Variants in ZNF90 observed in about 807,000 individuals in gnomAD.
The protein encoded by ZNF90 is zinc finger protein 90.
Under a neutral mutation model 12.0 loss-of-function variants are expected in ZNF90, and 11 were observed. That is an observed-to-expected ratio of 0.92 (90% confidence interval 0.58 to 1.52). The LOEUF is 1.52. ZNF90 is among the 40% of genes most tolerant of loss of function. ZNF90 has a pLI of 0.00. For synonymous variants in ZNF90, 232 were observed against 240.1 expected (o/e 0.97, Z 0.31); for missense variants, 765 against 711.5 (o/e 1.08, Z -0.86).
rs2089188767 is a variant in ZNF90 at position 20,120,820 on chromosome 19, A to G, written c.*1460A>G. The G allele has an allele frequency of 6.6e-6, 1 of 152,220 alleles. No homozygotes were observed. The highest frequency in any genetic ancestry group is 2.4e-5 in the African/African-American group (1 of 41,456). The allele number at this position is 152,220 out of a possible 1,614,324, so 9.4% of individuals were successfully genotyped here. Reference sequence around the variant, plus strand: ...TTGAGAAAAAATTTTTGAAAAGTGAATAAGGTAATAGAGCTTTCAAATTTA... The same window carrying G: ...TTGAGAAAAAATTTTTGAAAAGTGAGTAAGGTAATAGAGCTTTCAAATTTA... On this transcript the variant is annotated 3_prime_UTR_variant, in exon 4 of 4. Transcript: ENST00000418063.
chr19:20,106,696 A>G (rs1599650089), intron 3 of ZNF90, among the ~76,000 whole-genome samples: 1 of 152,092 alleles, frequency 6.6e-6, no homozygotes, highest in African/African-American at 2.4e-5. Context: ...CTCGTGATCC[A>G]CCCGCCTTGG....
At chr19:20,081,436 C>T (rs1275224343) in intron 1 of ZNF90, among the ~76,000 whole-genome samples, 1 of 152,180 alleles carries the variant, frequency 6.6e-6, no homozygotes, top group African/African-American at 2.4e-5. Flanking sequence ...ATCCACCCAC[C>T]TTGCCCTCCC....
rs1042084722 is a variant in ZNF90, at chr19:20,119,143, T to G, written c.1589T>G (p.Ile530Ser). 23 of 1,612,184 alleles carry G rather than the reference T, an allele frequency of 1.4e-5. No individual in the cohort carries two copies. The highest frequency in any genetic ancestry group is 4.0e-5 in the African/African-American group (3 of 74,470). ...TCAGTCCTTAGTAAACATAAGATAA[T>G]TCATACTGGAGCGAAACCCTACAAA... ...RSSVLSKHKI[I>S]HTGAKPYKCE... Residue 530 changes from isoleucine (I) to serine (S), a missense_variant, in exon 4 of 4, where the codon ATT (isoleucine) becomes AGT (serine). Physicochemically the swap from Ile to Ser is moderately radical, Grantham distance 142 (BLOSUM62 -2). Coordinates refer to ENST00000418063, the MANE Select transcript of ZNF90 (RefSeq NM_007138.2).
chr19:20,109,228 CTT>C (rs781913861), intron 3 of ZNF90, among the ~76,000 whole-genome samples: 6 of 152,160 alleles, frequency 3.9e-5, no homozygotes, highest in Non-Finnish European at 7.3e-5. Context: ...TGTTTGTACA[CTT>C]TAAGTCCATT....
intron 1 of ZNF90, among the ~76,000 whole-genome samples, chr19:20,085,511 C>T (rs1301092495): frequency 6.6e-6 from 1 of 152,098 alleles, no homozygotes; most frequent in Non-Finnish European, 1.5e-5. Context: ...CTGCCCGCCT[C>T]GGCCTCCCAA....
chr19:20,105,086 CTT>C (rs2089022907), intron 2 of ZNF90, 133 bp from the exon 3 acceptor site: 2 of 466,854 alleles, frequency 4.3e-6, no homozygotes, highest in Admixed American at 4.3e-5. Context: ...TTTTCTAAAT[CTT>C]TTGAAATTTT....
In ZNF90 at chr19:20,119,302, A is replaced by T; in HGVS notation, c.1748A>T (p.His583Leu). 1 of 1,611,208 alleles carries T rather than the reference A, an allele frequency of 6.2e-7. No individual in the cohort carries two copies. Among genetic ancestry groups the T allele is most frequent in the Non-Finnish European group, 8.5e-7 (1 of 1,178,560 alleles). Residue 583 changes from histidine (H) to leucine (L), a missense_variant, in exon 4 of 4, where the codon CAT becomes CTT. Transcript: ENST00000418063. Reference sequence around the variant, plus strand: ...AACTTGTCCTCAGACCTTAATACACATAAGAGGATTCATATTGGACAGAAA... The same window carrying T: ...AACTTGTCCTCAGACCTTAATACACTTAAGAGGATTCATATTGGACAGAAA... ...AFNLSSDLNT[H>L]KRIHIGQKAY...
chr19:20,116,045 G>C (rs1555705637), intron 3 of ZNF90, among the ~76,000 whole-genome samples: 2 of 152,046 alleles, frequency 1.3e-5, no homozygotes, highest in African/African-American at 4.8e-5. Flanking sequence ...CTAAGTTTTT[G>C]TATTTTTAGT....
At chr19:20,117,650 T>C (rs1165646372) in intron 3 of ZNF90, 131 bp from the exon 4 acceptor site, 1 of 1,391,884 alleles carries the variant, frequency 7.2e-7, no homozygotes, top group Non-Finnish European at 9.3e-7. Context: ...ATTGAAGTAA[T>C]GTGTTCTTAT....
chr19:20,091,251 G>A (rs569468125), intron 1 of ZNF90, among the ~76,000 whole-genome samples: 1 of 152,206 alleles, frequency 6.6e-6, no homozygotes, highest in Non-Finnish European at 1.5e-5. Context: ...GGGAAGGGAG[G>A]GGGCCTGAAC....
intron 1 of ZNF90, among the ~76,000 whole-genome samples, chr19:20,083,378 AGT>A (rs2088835513): frequency 6.6e-6 from 1 of 151,708 alleles, no homozygotes; most frequent in Admixed American, 6.6e-5. Flanking sequence ...CCCAGGCTGC[AGT>A]GTAATGTTGC....
intron 1 of ZNF90, among the ~76,000 whole-genome samples, chr19:20,098,185 C>A (rs566146586): frequency 6.6e-6 from 1 of 152,240 alleles, no homozygotes; most frequent in South Asian, 2.1e-4. Context: ...CCAAAGGATG[C>A]AAAGCCAGGT....
rs576315903 is a variant in ZNF90, at chr19:20,118,999, A to G, written c.1445A>G (p.Lys482Arg). 4.9e-5 allele frequency: 79 copies of G among 1,607,270 alleles called. No homozygotes were observed. Among genetic ancestry groups the G allele is most frequent in the South Asian group, 3.5e-4 (32 of 90,386 alleles). The change falls in exon 4 of 4, where the codon AAA (lysine) becomes AGA (arginine). Residue 482 changes from lysine (K) to arginine (R), a missense_variant. Transcript: ENST00000418063. ...AGTCATACTGAAGAGAAACTCTACA[A>G]ATGTCAAGAATGTGACAAAGCCTTC... The part of the protein sequence containing the change: ...KISHTEEKLY[K>R]CQECDKAFKY...
chr19:20,090,164 G>A (rs1555702593), intron 1 of ZNF90, among the ~76,000 whole-genome samples: 1 of 152,142 alleles, frequency 6.6e-6, no homozygotes, highest in African/African-American at 2.4e-5. Context: ...CAAGAGTAGG[G>A]CATTTATAAG....
At position 20,118,996 on chromosome 19, in the gene ZNF90, A is replaced by G. The variant is rs2089171497; in HGVS notation, c.1442A>G (p.Tyr481Cys). ...HKISHTEEKL[Y>C]KCQECDKAFK... is the part of the protein sequence containing the mutation. Reference sequence around the variant, plus strand: ...ATAAGTCATACTGAAGAGAAACTCTACAAATGTCAAGAATGTGACAAAGCC... The same window carrying G: ...ATAAGTCATACTGAAGAGAAACTCTGCAAATGTCAAGAATGTGACAAAGCC... The change falls in exon 4 of 4, where the codon TAC (tyrosine) becomes TGC (cysteine). Residue 481 changes from tyrosine (Y) to cysteine (C), a missense_variant. Tyr to Cys is a radical substitution (Grantham distance 194). Transcript: ENST00000418063. 1.2e-6 allele frequency: 2 copies of G among 1,608,088 alleles called. No homozygotes were observed. The highest frequency in any genetic ancestry group is 8.5e-7 in the Non-Finnish European group (1 of 1,176,782).
At position 20,119,256 on chromosome 19, in the gene ZNF90, G is replaced by T; in HGVS notation, c.1702G>T (p.Glu568Ter). 4 of 1,613,888 alleles carry T rather than the reference G, an allele frequency of 2.5e-6. No homozygotes were observed. Among genetic ancestry groups the T allele is most frequent in the Non-Finnish European group, 3.4e-6 (4 of 1,179,934 alleles). The change falls in exon 4 of 4, where the codon GAA (glutamate) becomes TAA (stop). Residue 568 changes from glutamate (E) to a stop codon, truncating the protein, a stop_gained. Coordinates refer to ENST00000418063, the MANE Select transcript of ZNF90 (RefSeq NM_007138.2). LOFTEE classifies it low-confidence loss of function (END_TRUNC). ...TACTGGAGAGAAACCCTACAAATGT[G>T]AAGAATGTGGCAAAGCTTTTAACTT... ...SHTGEKPYKC[E>*]ECGKAFNLSS...
At chr19:20,112,948 GTA>G (rs1222590985) in intron 3 of ZNF90, among the ~76,000 whole-genome samples, 6 of 151,774 alleles carry the variant, frequency 4.0e-5, no homozygotes, top group Admixed American at 2.6e-4. Flanking sequence ...ATATTTTTGG[GTA>G]TGTCACATCA....
At chr19:20,106,991 G>A in intron 3 of ZNF90, 1 of 454,512 alleles carries the variant, frequency 2.2e-6, no homozygotes, top group South Asian at 1.6e-5. Flanking sequence ...CAGACACTAG[G>A]GCATGTTTTT....
intron 3 of ZNF90, among the ~76,000 whole-genome samples, chr19:20,114,608 A>G (rs1026463112): frequency 6.6e-6 from 1 of 152,056 alleles, no homozygotes; most frequent in Non-Finnish European, 1.5e-5. Context: ...TTGTATTATT[A>G]TTTTATACTC....
Sources: gnomAD v4.1 joint callset for allele counts (sites outside exome capture counted in the v4.1 genomes callset) on GRCh38, gnomAD v4.1.1 for gene constraint, MANE v1.5 for transcripts, NCBI Gene and HGNC (gene_info 2026-07-23, HGNC 2026-07-21) for gene names.